ATF1: variants seen among roughly 807,000 people sequenced by gnomAD.
ATF1 encodes activating transcription factor 1.
Under a neutral mutation model 34.7 loss-of-function variants are expected in ATF1, and 16 were observed. The ratio of observed to expected loss-of-function variants is 0.46; its 90% confidence interval spans 0.31 to 0.70. The LOEUF (loss-of-function observed/expected upper bound fraction) is 0.70. Among genes scored for constraint, ATF1 ranks in the 30% least tolerant of loss-of-function variants. The pLI, the probability that ATF1 is intolerant of heterozygous loss-of-function variation, is 0.05. For missense variants in ATF1, 255 were observed against 321.6 expected, an observed-to-expected ratio of 0.79 and a Z score of 1.58; for synonymous variants, 105 against 113.1, an observed-to-expected ratio of 0.93 and a Z score of 0.46.
In ATF1 at chr12:50,795,881, C is replaced by T. The variant is rs1470892736; in HGVS notation, c.94-28C>T. The T allele has an allele frequency of 1.9e-6, 3 of 1,551,688 alleles. No individual in the cohort carries two copies. In the African/African-American group the frequency reaches 4.1e-5, roughly 21 times the overall value. ...TGTTTCTTTTCCCACCTGCATTGTT[C>T]ATCATGTTAATGCCAGTTCTTTTTT... is the stretch of plus-strand genomic sequence containing the variant. On this transcript the variant is annotated intron_variant, in intron 2 of 6. Transcript: ENST00000262053.
rs71086476 is a variant in ATF1, at chr12:50,773,444, CT to C, written c.-6-6674del. On this transcript the variant is annotated intron_variant, in intron 1 of 6. Coordinates refer to ENST00000262053, the MANE Select transcript of ATF1 (RefSeq NM_005171.5). ...AACTGTTGACTTTTTAATTGCCATT[CT>C]TTTTTTTTTTTTTTTTTTTTTCGAG... is the stretch of plus-strand genomic sequence containing the variant. Among the ~76,000 whole-genome samples the C allele has an allele frequency of 3.2e-3, 285 of 89,574 alleles. 2 individuals carry two copies. The highest frequency in any genetic ancestry group is 0.012 in the African/African-American group (263 of 22,414). The allele number at this position is 89,574 out of a possible 152,430, so 58.8% of individuals were successfully genotyped here.
intron 3 of ATF1, among the ~76,000 whole-genome samples, chr12:50,797,300 C>T (rs2139673177): frequency 6.6e-6 from 1 of 152,320 alleles, no homozygotes; most frequent in South Asian, 2.1e-4. Flanking sequence ...AAACCTACAT[C>T]TAGGTGTATG....
intron 3 of ATF1, 53 bp from the exon 4 acceptor site, chr12:50,809,403 T>C (rs1941687129): frequency 7.7e-7 from 1 of 1,300,364 alleles, no homozygotes; most frequent in Non-Finnish European, 1.1e-6. Flanking sequence ...AAATTATTTT[T>C]GTGAAGTCAT....
chr12:50,799,306 G>A (rs1941469914), intron 3 of ATF1, among the ~76,000 whole-genome samples: 1 of 152,154 alleles, frequency 6.6e-6, no homozygotes, highest in African/African-American at 2.4e-5. Flanking sequence ...GATCACTTGA[G>A]CCCAGGAGGT....
intron 2 of ATF1, among the ~76,000 whole-genome samples, chr12:50,783,106 C>T (rs368252821): frequency 2.3e-4 from 35 of 151,998 alleles, no homozygotes; most frequent in Non-Finnish European, 3.2e-4. Context: ...GGTATGGTAA[C>T]GTGTAATGGA....
intron 6 of ATF1, among the ~76,000 whole-genome samples, chr12:50,816,874 CAAAA>C (rs1051519925): frequency 4.0e-5 from 6 of 150,086 alleles, no homozygotes; most frequent in Non-Finnish European, 8.9e-5. Context: ...ATAAAACAAA[CAAAA>C]AAAAACACAC....
chr12:50,773,818 G>A (rs943176845), intron 1 of ATF1, among the ~76,000 whole-genome samples: 1 of 151,968 alleles, frequency 6.6e-6, no homozygotes, highest in African/African-American at 2.4e-5. Context: ...TCAAGCTCCT[G>A]ACCTCAAGTG....
At position 50,819,656 on chromosome 12, in the gene ATF1, C is replaced by T; in HGVS notation, c.693C>T (p.Arg231=). ...TTAGAGAAGCTGCTCGAGAATGTCG[C>T]AGAAAGAAGAAAGAATATGTGAAAT... ...MKNREAAREC[R]RKKKEYVKCL... The change falls in exon 7 of 7, where the codon CGC becomes CGT. Residue 231 remains arginine, a synonymous_variant. Transcript: ENST00000262053. 6.2e-7 allele frequency: 1 copy of T among 1,612,002 alleles called. No individual in the cohort carries two copies.
At chr12:50,794,783 G>A (rs975338832) in intron 2 of ATF1, among the ~76,000 whole-genome samples, 2 of 151,978 alleles carry the variant, frequency 1.3e-5, no homozygotes, top group African/African-American at 4.8e-5. Flanking sequence ...GCTGGGCATG[G>A]TGGTGTGCAC....
intron 2 of ATF1, among the ~76,000 whole-genome samples, chr12:50,782,334 C>A (rs893438996): frequency 2.0e-5 from 3 of 152,026 alleles, no homozygotes; most frequent in African/African-American, 7.2e-5. Flanking sequence ...CGGCTCACTG[C>A]AACCTCCGCC....
chr12:50,780,723 G>A (rs1941040744), intron 2 of ATF1, among the ~76,000 whole-genome samples: 1 of 151,854 alleles, frequency 6.6e-6, no homozygotes, highest in Admixed American at 6.6e-5. Context: ...AGCACTTTGG[G>A]AAGTCAGGGC....
intron 2 of ATF1, among the ~76,000 whole-genome samples, chr12:50,782,653 G>T (rs1941094278): frequency 7.0e-6 from 1 of 143,864 alleles, no homozygotes; most frequent in Non-Finnish European, 1.5e-5. Context: ...ATCCCAAAGT[G>T]CTGGGATTAT....
intron 4 of ATF1, among the ~76,000 whole-genome samples, chr12:50,813,256 T>C (rs993530121): frequency 3.9e-5 from 6 of 152,192 alleles, no homozygotes; most frequent in Admixed American, 3.9e-4. Flanking sequence ...AGGAAGTAAA[T>C]GAATAGATTA....
chr12:50,816,901 A>G (rs1941854785), intron 6 of ATF1, among the ~76,000 whole-genome samples: 1 of 152,188 alleles, frequency 6.6e-6, no homozygotes, highest in Non-Finnish European at 1.5e-5. Flanking sequence ...GTAGTTAATA[A>G]TCATATAAAA....
chr12:50,802,131 T>G (rs1412746229), intron 3 of ATF1, among the ~76,000 whole-genome samples: 1 of 152,146 alleles, frequency 6.6e-6, no homozygotes, highest in East Asian at 1.9e-4. Flanking sequence ...AAATGAAACT[T>G]AAAAACAATT....
At chr12:50,782,313 T>C (rs1484005979) in intron 2 of ATF1, among the ~76,000 whole-genome samples, 2 of 152,092 alleles carry the variant, frequency 1.3e-5, no homozygotes, top group African/African-American at 2.4e-5. Context: ...TGGAGTGCAG[T>C]GGCGCGATCT....
At chr12:50,811,508 G>A (rs1030057089) in intron 4 of ATF1, among the ~76,000 whole-genome samples, 7 of 151,602 alleles carry the variant, frequency 4.6e-5, no homozygotes, top group Non-Finnish European at 1.0e-4. Context: ...TGGGGGCCAG[G>A]CACTGTAGTT....
rs35063138 is a variant in ATF1, at chr12:50,803,498, T to TA, written c.195-5943dup. 2.4e-3 allele frequency among the ~76,000 whole-genome samples: 349 copies of TA among 143,762 alleles called. 3 individuals are homozygous for TA. Among genetic ancestry groups the TA allele is most frequent in the Admixed American group, 0.013 (190 of 14,214 alleles). 94.3% of individuals were successfully genotyped at this position (143,762 alleles called of 152,430 possible). ...CTCTCATACACTGCTGGTAAGAATG[T>TA]AAAAAAAAAAAAAAATAGTACAGTT... On this transcript the variant is annotated intron_variant, in intron 3 of 6. Transcript: ENST00000262053.
intron 2 of ATF1, 112 bp downstream of exon 2, chr12:50,780,350 G>T (rs1324796968): frequency 5.7e-5 from 52 of 916,596 alleles, no homozygotes; most frequent in East Asian, 9.1e-5. Flanking sequence ...TGTTTTTTGG[G>T]TTTTTTTTTT....
Sources: gnomAD v4.1 joint callset for allele counts (sites outside exome capture counted in the v4.1 genomes callset) on GRCh38, gnomAD v4.1.1 for gene constraint, MANE v1.5 for transcripts, NCBI Gene and HGNC (gene_info 2026-07-23, HGNC 2026-07-21) for gene names.